The following XKR9 variants were observed in gnomAD, a reference collection of about 807,000 sequenced individuals.
XKR9 encodes XK-related protein 9.
A neutral mutation model predicts 32.0 loss-of-function variants in XKR9; 32 were observed. The ratio of observed to expected loss-of-function variants is 1.00; its 90% CI spans 0.76 to 1.34. The LOEUF is 1.34. Among genes scored for constraint, XKR9 ranks in the 40% most tolerant of loss-of-function variants. The pLI, the probability that XKR9 is intolerant of heterozygous loss-of-function variation, is 0.00. For synonymous variants in XKR9, 168 were observed against 143.4 expected (o/e 1.17, Z -1.22); for missense variants, 546 against 429.7 (o/e 1.27, Z -2.39).
At chr8:70,961,327 A>T in the XKR9 span, among the ~76,000 whole-genome samples, 6 of 152,202 alleles carry the variant, frequency 3.9e-5, no homozygotes, top group African/African-American at 1.4e-4. Context: ...CTTGATCTGG[A>T]AGTTAGATAT....
At chr8:71,021,750 C>T in the XKR9 span, among the ~76,000 whole-genome samples, 2 of 152,172 alleles carry the variant, frequency 1.3e-5, no homozygotes, top group Admixed American at 6.5e-5. Flanking sequence ...ATCCGCCCGT[C>T]TCGGCCTCCC....
At chr8:70,849,113 A>G in the XKR9 span, among the ~76,000 whole-genome samples, 1 of 152,180 alleles carries the variant, frequency 6.6e-6, no homozygotes, top group African/African-American at 2.4e-5. Flanking sequence ...ACAAGTACAG[A>G]ACTCTCAACA....
chr8:70,898,054 T>A, the XKR9 span, among the ~76,000 whole-genome samples: 1 of 152,218 alleles, frequency 6.6e-6, no homozygotes, highest in Non-Finnish European at 1.5e-5. Flanking sequence ...GGTCTTAGAT[T>A]TAAGTCTGTA....
the XKR9 span, among the ~76,000 whole-genome samples, chr8:70,894,666 C>T: frequency 6.6e-6 from 1 of 152,122 alleles, no homozygotes; most frequent in African/African-American, 2.4e-5. Flanking sequence ...TCTGGGCGAC[C>T]AAGGCACCAT....
At chr8:70,859,236 G>A in the XKR9 span, among the ~76,000 whole-genome samples, 2 of 151,960 alleles carry the variant, frequency 1.3e-5, no homozygotes, top group Non-Finnish European at 2.9e-5. Context: ...AATGCCAACA[G>A]ATATATGAAA....
rs555389567 is a variant in XKR9, at chr8:70,706,348, T to C, written c.273-585T>C. On this transcript the variant is annotated intron_variant, in intron 3 of 4. Transcript: ENST00000408926. ...TTGAAGTTTTATATATTTTCTGGGA[T>C]GGTAATGGTCAAAGAGCCTAGCATC... Among the ~76,000 whole-genome samples the C allele has an allele frequency of 2.6e-5, 4 of 152,232 alleles. No homozygotes were observed. In the East Asian group the frequency reaches 7.7e-4, roughly 29 times the overall value.
At chr8:70,974,255 A>G in the XKR9 span, among the ~76,000 whole-genome samples, 9 of 150,020 alleles carry the variant, frequency 6.0e-5, no homozygotes, top group Non-Finnish European at 1.2e-4. Flanking sequence ...TTTTTTTTAA[A>G]TTGTACTTTT....
At chr8:70,797,693 C>T in the XKR9 span, among the ~76,000 whole-genome samples, 1 of 151,972 alleles carries the variant, frequency 6.6e-6, no homozygotes, top group South Asian at 2.1e-4. Context: ...GTATTTCCAT[C>T]TTCACTCCCC....
intron 3 of XKR9, among the ~76,000 whole-genome samples, chr8:70,705,310 TG>T (rs1262533383): frequency 4.6e-5 from 7 of 152,164 alleles, no homozygotes; most frequent in African/African-American, 1.7e-4. Flanking sequence ...TACACTCTTG[TG>T]AGAAGGTAAA....
chr8:70,908,526 G>C, the XKR9 span, among the ~76,000 whole-genome samples: 2 of 152,158 alleles, frequency 1.3e-5, no homozygotes, highest in African/African-American at 4.8e-5. Context: ...AATGAGAATG[G>C]TTGCTCTAGA....
intron 2 of XKR9, among the ~76,000 whole-genome samples, chr8:70,766,337 A>G (rs973958504): frequency 1.3e-5 from 2 of 152,196 alleles, no homozygotes; most frequent in East Asian, 3.9e-4. Context: ...TGTAAGTTGT[A>G]TTCCTAGGCA....
chr8:70,990,128 A>G, the XKR9 span, among the ~76,000 whole-genome samples: 1 of 152,228 alleles, frequency 6.6e-6, no homozygotes, highest in African/African-American at 2.4e-5. Flanking sequence ...AAAAATGCAG[A>G]GGATAGTAAT....
the XKR9 span, among the ~76,000 whole-genome samples, chr8:70,930,036 A>G: frequency 6.6e-6 from 1 of 152,190 alleles, no homozygotes; most frequent in African/African-American, 2.4e-5. Context: ...CGTATTTTAC[A>G]CTAGCTTTTA....
At chr8:70,809,134 C>G in the XKR9 span, among the ~76,000 whole-genome samples, 3 of 152,182 alleles carry the variant, frequency 2.0e-5, no homozygotes, top group East Asian at 5.8e-4. Context: ...ATTTGCTGTT[C>G]ACCAATATCC....
At chr8:70,772,203 C>T (rs2130234331) in intron 2 of XKR9, among the ~76,000 whole-genome samples, 1 of 152,252 alleles carries the variant, frequency 6.6e-6, no homozygotes, top group Non-Finnish European at 1.5e-5. Flanking sequence ...GTATCTTATT[C>T]ACTTCTGTGT....
At chr8:71,006,304 T>G in the XKR9 span, among the ~76,000 whole-genome samples, 1 of 150,616 alleles carries the variant, frequency 6.6e-6, no homozygotes, top group African/African-American at 2.5e-5. Flanking sequence ...ATTCATAAAC[T>G]TTCTTAAAAC....
chr8:70,894,298 C>T, the XKR9 span, among the ~76,000 whole-genome samples: 1 of 151,560 alleles, frequency 6.6e-6, no homozygotes, highest in Non-Finnish European at 1.5e-5. Context: ...TTGTTTGGGC[C>T]CTGGGGGCAG....
At chr8:70,753,400 C>T (rs1474026964) in intron 2 of XKR9, among the ~76,000 whole-genome samples, 1 of 151,990 alleles carries the variant, frequency 6.6e-6, no homozygotes, top group South Asian at 2.1e-4. Flanking sequence ...AGGGAATCCT[C>T]CCTAACTCAT....
chr8:71,031,589 A>G, the XKR9 span, among the ~76,000 whole-genome samples: 1 of 152,220 alleles, frequency 6.6e-6, no homozygotes, highest in Non-Finnish European at 1.5e-5. Context: ...AAATTCTCAC[A>G]TATTAGACAT....
Sources: allele counts gnomAD v4.1 joint callset (sites outside exome capture counted in the v4.1 genomes callset), GRCh38; gene constraint gnomAD v4.1.1; transcripts MANE v1.5; gene names NCBI Gene and HGNC (gene_info 2026-07-23, HGNC 2026-07-21).